Variants in ABCA6 observed in about 807,000 individuals in gnomAD.
ABCA6 encodes ATP binding cassette subfamily A member 6.
A neutral mutation model predicts 191.2 loss-of-function variants in ABCA6; 164 were observed. The observed-to-expected ratio is 0.86, with a 90% CI of 0.76 to 0.98. The LOEUF (loss-of-function observed/expected upper bound fraction) is 0.98. Ranked by LOEUF, ABCA6 falls within the 50% of genes least tolerant of loss-of-function variation. ABCA6 has a pLI of 0.00. For missense variants in ABCA6, 1,958 were observed against 1,894.1 expected, an observed-to-expected ratio of 1.03 and a Z score of -0.63; for synonymous variants, 636 against 647.7, an observed-to-expected ratio of 0.98 and a Z score of 0.27.
At position 69,125,042 on chromosome 17, in the gene ABCA6, T is replaced by C. The variant is rs780772679; in HGVS notation, c.1120-7A>G. The C allele has an allele frequency of 1.0e-4, 134 of 1,307,440 alleles. No homozygotes were observed. Among genetic ancestry groups the C allele is most frequent in the Non-Finnish European group, 1.4e-4 (134 of 987,796 alleles). The allele number at this position is 1,307,440 out of a possible 1,614,324, so 81.0% of individuals were successfully genotyped here. On this transcript the variant is annotated splice_region_variant and splice_polypyrimidine_tract_variant and intron_variant, in intron 8 of 38. Coordinates refer to ENST00000284425, the MANE Select transcript of ABCA6 (RefSeq NM_080284.3). ...TATAATCCAGTTTGATAATCTAAGA[T>C]TCAAAAAATAAAAATAAATGTTTAA...
At chr17:69,079,129 G>T in intron 38 of ABCA6, 55 bp from the exon 39 acceptor site, 2 of 1,572,402 alleles carry the variant, frequency 1.3e-6, no homozygotes, top group Non-Finnish European at 1.7e-6. Flanking sequence ...CAAGTTGTTG[G>T]TCTTCCAAAT....
intron 15 of ABCA6, 179 bp downstream of exon 15, chr17:69,113,043 A>T (rs994588860): frequency 6.3e-5 from 37 of 583,388 alleles, no homozygotes; most frequent in Non-Finnish European, 8.7e-5. Flanking sequence ...GTCACTACCT[A>T]GCAAATGTAC....
intron 27 of ABCA6, among the ~76,000 whole-genome samples, 176 bp downstream of exon 27, chr17:69,089,289 C>T (rs2072874622): frequency 6.6e-6 from 1 of 152,084 alleles, no homozygotes; most frequent in African/African-American, 2.4e-5. Flanking sequence ...CACATATAGC[C>T]AATCCAAGCA....
intron 25 of ABCA6, among the ~76,000 whole-genome samples, chr17:69,091,957 T>TA (rs139598853): frequency 1.4e-4 from 21 of 151,660 alleles, no homozygotes; most frequent in South Asian, 2.1e-4. Flanking sequence ...ATGGCTATTA[T>TA]AAAAAAAAAC....
At chr17:69,125,772 T>G (rs1403465988) in intron 8 of ABCA6, among the ~76,000 whole-genome samples, 2 of 152,080 alleles carry the variant, frequency 1.3e-5, no homozygotes, top group African/African-American at 4.8e-5. Context: ...GAATCCAAAA[T>G]TGAGTCAACA....
At chr17:69,137,574 C>T (rs2073969858) in intron 2 of ABCA6, 74 bp from the exon 3 acceptor site, 3 of 1,375,842 alleles carry the variant, frequency 2.2e-6, no homozygotes, top group Non-Finnish European at 3.0e-6. Context: ...ATACAAAATA[C>T]TGTTGAAAAC....
chr17:69,119,632 T>G (rs2073603696), intron 10 of ABCA6, among the ~76,000 whole-genome samples: 1 of 152,056 alleles, frequency 6.6e-6, no homozygotes, highest in African/African-American at 2.4e-5. Context: ...TTTGGCATCC[T>G]CGGCCTCATG....
Position 69,084,470 on chromosome 17 carries a change from C to G in ABCA6, c.4222G>C (p.Val1408Leu), listed in dbSNP as rs774961165. 1 of 1,614,182 alleles carries G rather than the reference C, an allele frequency of 6.2e-7. No homozygotes were observed. The highest frequency in any genetic ancestry group is 1.1e-5 in the South Asian group (1 of 91,082). ...SAFKLHEQLN[V>L]PVQKLTAGIT... Reference sequence around the variant, plus strand: ...CCTGCTGTTAATTTCTGCACAGGAACATTCAGCTGCTCATGCAGTTTGAAA... The same window carrying G: ...CCTGCTGTTAATTTCTGCACAGGAAGATTCAGCTGCTCATGCAGTTTGAAA... Residue 1408 changes from valine to leucine, a missense_variant, in exon 33 of 39, where the codon GTT (valine) becomes CTT (leucine). By Grantham distance (32) the Val-to-Leu change is conservative (BLOSUM62 1). Transcript: ENST00000284425.
chr17:69,112,352 G>A, intron 15 of ABCA6, 79 bp from the exon 16 acceptor site: 7 of 1,119,476 alleles, frequency 6.3e-6, no homozygotes, highest in Non-Finnish European at 9.4e-6. Flanking sequence ...GAGGAGCCAA[G>A]GCTCAGAAGT....
chr17:69,115,043 G>T, intron 12 of ABCA6, 106 bp from the exon 13 acceptor site: 1 of 890,678 alleles, frequency 1.1e-6, no homozygotes, highest in Non-Finnish European at 1.7e-6. Flanking sequence ...TGTCTAAAAT[G>T]ATTTGTGAAC....
chr17:69,113,122 C>G, intron 15 of ABCA6, 100 bp downstream of exon 15: 1 of 1,375,844 alleles, frequency 7.3e-7, no homozygotes, highest in East Asian at 2.7e-5. Flanking sequence ...AATGTAGGAA[C>G]ATCACCATAA....
At chr17:69,121,112 G>A (rs1461995222) in intron 10 of ABCA6, among the ~76,000 whole-genome samples, 1 of 151,992 alleles carries the variant, frequency 6.6e-6, no homozygotes, top group East Asian at 1.9e-4. Context: ...AAAAATCAAT[G>A]GCTTAGTGCC....
rs1176789547 is a variant in ABCA6 at position 69,087,488 on chromosome 17, A to G, written c.3699-15T>C. 1 of 1,613,308 alleles carries G rather than the reference A, an allele frequency of 6.2e-7. No homozygotes were observed. The highest frequency in any genetic ancestry group is 1.3e-5 in the African/African-American group (1 of 74,986). ...GGGGGGAAATTCTATGGAGAAAATG[A>G]AATGTGTTACATGTGGTATTCTAGC... is the stretch of plus-strand genomic sequence containing the variant. On this transcript the variant is annotated splice_polypyrimidine_tract_variant and intron_variant, in intron 28 of 38. Coordinates refer to ENST00000284425, the MANE Select transcript of ABCA6 (RefSeq NM_080284.3).
intron 37 of ABCA6, among the ~76,000 whole-genome samples, chr17:69,079,919 G>T (rs1052000067): frequency 6.6e-5 from 10 of 152,048 alleles, no homozygotes; most frequent in Admixed American, 1.3e-4. Flanking sequence ...AAATAAAGTT[G>T]GTAAAAATAA....
rs753564619 is a variant in ABCA6 at position 69,107,779 on chromosome 17, T to C, written c.2306A>G (p.Gln769Arg). The change falls in exon 18 of 39, where the codon CAG becomes CGG. Residue 769 changes from glutamine (Q) to arginine (R), a missense_variant. Gln to Arg is a conservative substitution (Grantham distance 43, BLOSUM62 1). Transcript: ENST00000284425. ...GGAAATGTCATAACCTGTCACTCCC[T>C]GGTCAGAACACTTATCCAGATCACT... ...LFSDLDKCSD[Q>R]GVTGYDISMS... is the part of the protein sequence containing the mutation. The C allele has an allele frequency of 1.2e-6, 2 of 1,612,420 alleles. No individual in the cohort carries two copies. The highest frequency in any genetic ancestry group is 1.7e-5 in the Admixed American group (1 of 59,786).
rs139259206 is a variant in ABCA6 at position 69,140,677 on chromosome 17, A to C, written c.27T>G (p.Tyr9Ter). ...TGCACAGAAGTGCTTTGGTTTGCTGATACACGCTTTTCTGTTTCATATTCA... is the reference window on the plus strand; with the variant it reads ...TGCACAGAAGTGCTTTGGTTTGCTGCTACACGCTTTTCTGTTTCATATTCA... MNMKQKSV[Y>*]QQTKALLCKN... Residue 9 changes from tyrosine (Y) to a stop codon, truncating the protein, a stop_gained, in exon 2 of 39, where the codon TAT becomes TAG. Coordinates refer to ENST00000284425, the MANE Select transcript of ABCA6 (RefSeq NM_080284.3). LOFTEE classifies it high-confidence loss of function. 8 of 1,599,058 alleles carry C rather than the reference A, an allele frequency of 5.0e-6. No homozygotes were observed. The highest frequency in any genetic ancestry group is 6.0e-6 in the Non-Finnish European group (7 of 1,173,226).
At chr17:69,120,122 G>A (rs1232880512) in intron 10 of ABCA6, among the ~76,000 whole-genome samples, 1 of 151,980 alleles carries the variant, frequency 6.6e-6, no homozygotes, top group Non-Finnish European at 1.5e-5. Flanking sequence ...GGTGCAATAT[G>A]TAAATATATG....
At chr17:69,100,744 T>G in intron 22 of ABCA6, 53 bp downstream of exon 22, 1 of 1,494,118 alleles carries the variant, frequency 6.7e-7, no homozygotes, top group South Asian at 1.4e-5. Context: ...AGAGAAAACA[T>G]AGGCTATTTG....
intron 20 of ABCA6, chr17:69,105,227 C>T (rs574029873): frequency 1.2e-4 from 54 of 460,138 alleles, no homozygotes; most frequent in Non-Finnish European, 1.8e-4. Flanking sequence ...GGTAGAGAGA[C>T]GTCTTTACTC....
Sources: gnomAD v4.1 joint callset for allele counts (sites outside exome capture counted in the v4.1 genomes callset) on GRCh38, gnomAD v4.1.1 for gene constraint, MANE v1.5 for transcripts, NCBI Gene and HGNC (gene_info 2026-07-23, HGNC 2026-07-21) for gene names.